Variants in NEK11 observed in about 807,000 individuals in gnomAD.
NEK11 encodes serine/threonine-protein kinase Nek11.
A neutral mutation model predicts 80.7 loss-of-function variants in NEK11; 72 were observed. The observed-to-expected ratio is 0.89, with a 90% CI of 0.74 to 1.08. The LOEUF (loss-of-function observed/expected upper bound fraction) is 1.08. Ranked by LOEUF, NEK11 falls within the 50% of genes least tolerant of loss-of-function variation. NEK11 has a pLI of 0.00. For synonymous variants in NEK11, 251 were observed against 260.7 expected (o/e 0.96, Z 0.36); for missense variants, 764 against 763.6 (o/e 1.00, Z -0.01).
intron 5 of NEK11, among the ~76,000 whole-genome samples, chr3:131,119,412 A>G (rs1008099671): frequency 6.6e-6 from 1 of 152,140 alleles, no homozygotes; most frequent in Non-Finnish European, 1.5e-5. Flanking sequence ...TTTTGGAATA[A>G]GTGCAATGTG....
intron 16 of NEK11, among the ~76,000 whole-genome samples, chr3:131,252,342 C>A (rs1432607050): frequency 6.6e-6 from 1 of 152,108 alleles, no homozygotes; most frequent in African/African-American, 2.4e-5. Flanking sequence ...TCAAGAGCTT[C>A]TTCTATCTCT....
At chr3:131,183,440 CT>C (rs2093457605) in intron 14 of NEK11, among the ~76,000 whole-genome samples, 2 of 152,194 alleles carry the variant, frequency 1.3e-5, no homozygotes, top group South Asian at 2.1e-4. Context: ...CTCCCTCCCC[CT>C]GGCCCCATGA....
intron 17 of NEK11, among the ~76,000 whole-genome samples, chr3:131,313,387 A>C (rs2096801232): frequency 6.6e-6 from 1 of 152,134 alleles, no homozygotes; most frequent in Non-Finnish European, 1.5e-5. Context: ...CTTTTTGAGG[A>C]ATCTCCACAC....
At chr3:131,067,753 A>T (rs2072309658) in intron 3 of NEK11, among the ~76,000 whole-genome samples, 1 of 152,214 alleles carries the variant, frequency 6.6e-6, no homozygotes, top group Non-Finnish European at 1.5e-5. Flanking sequence ...CATTAAGGTA[A>T]TAAATTATGT....
chr3:131,056,119 A>G (rs967913625), intron 3 of NEK11, among the ~76,000 whole-genome samples: 3 of 152,066 alleles, frequency 2.0e-5, no homozygotes, highest in African/African-American at 7.2e-5. Flanking sequence ...GAAGGGCTTC[A>G]TTTTACTGCC....
At chr3:131,203,004 T>C (rs2094300652) in intron 14 of NEK11, among the ~76,000 whole-genome samples, 2 of 54,476 alleles carry the variant, frequency 3.7e-5, no homozygotes, top group Non-Finnish European at 1.6e-4. Context: ...GTTCAACCAT[T>C]GTGGAAGGCA....
At chr3:131,032,071 C>T (rs1338460021) in intron 3 of NEK11, among the ~76,000 whole-genome samples, 1 of 151,796 alleles carries the variant, frequency 6.6e-6, no homozygotes, top group Non-Finnish European at 1.5e-5. Context: ...AAGTGATTCT[C>T]CCACCTCAGC....
chr3:131,238,474 C>T (rs1425508429), intron 15 of NEK11, among the ~76,000 whole-genome samples: 2 of 152,072 alleles, frequency 1.3e-5, no homozygotes, highest in Admixed American at 1.3e-4. Flanking sequence ...GTACAGGTAG[C>T]CAATTAGCCA....
intron 7 of NEK11, among the ~76,000 whole-genome samples, chr3:131,148,531 G>A (rs1384231952): frequency 6.6e-6 from 1 of 151,794 alleles, no homozygotes; most frequent in African/African-American, 2.4e-5. Context: ...TATCTATATT[G>A]AGAAGATAAA....
intron 4 of NEK11, among the ~76,000 whole-genome samples, chr3:131,102,705 T>C (rs1485123995): frequency 3.9e-5 from 6 of 152,158 alleles, no homozygotes; most frequent in Admixed American, 3.3e-4. Context: ...TTTATTCGTT[T>C]TGCATGTCAT....
intron 14 of NEK11, among the ~76,000 whole-genome samples, chr3:131,196,841 CTTTT>C (rs1037385954): frequency 2.1e-5 from 3 of 145,780 alleles, no homozygotes; most frequent in African/African-American, 7.6e-5. Context: ...CTTTTCTTTT[CTTTT>C]CTTTTTTTTT....
At chr3:131,118,977 CT>C (rs1359442825) in intron 5 of NEK11, among the ~76,000 whole-genome samples, 1 of 152,018 alleles carries the variant, frequency 6.6e-6, no homozygotes, top group Admixed American at 6.6e-5. Flanking sequence ...TTCTTCAGTT[CT>C]GCTCTGATCT....
At position 131,273,485 on chromosome 3, in the gene NEK11, G is replaced by T. The variant is rs753533099; in HGVS notation, c.1629G>T (p.Lys543Asn). 3.7e-6 allele frequency: 6 copies of T among 1,613,698 alleles called. No individual in the cohort carries two copies. The highest frequency in any genetic ancestry group is 5.1e-6 in the Non-Finnish European group (6 of 1,179,654). ...NVLGCTSLDT[K>N]TITTMAEDMS... ...CTGTGCATTGATTTTCAGACACAAA[G>T]ACCATCACCACCATGGCTGAAGACA... Residue 543 changes from lysine (K) to asparagine (N), a missense_variant, in exon 17 of 18, where the codon AAG becomes AAT. Physicochemically the swap from Lys to Asn is moderately conservative, Grantham distance 94 (BLOSUM62 0). Coordinates refer to ENST00000383366, the MANE Select transcript of NEK11 (RefSeq NM_024800.5).
rs541718975 is a variant in NEK11, at chr3:131,145,862, G to A, written c.648-6526G>A. 1.4e-4 allele frequency among the ~76,000 whole-genome samples: 22 copies of A among 152,180 alleles called. No homozygotes were observed. The East Asian group carries it at 2.1e-3, about 15-fold the overall frequency. ...GTTCCTACCTCATTAGGATTGTTGTGAGTGTAAGTTAATGAGTTAAAATAT... is the reference window on the plus strand; with the variant it reads ...GTTCCTACCTCATTAGGATTGTTGTAAGTGTAAGTTAATGAGTTAAAATAT... On this transcript the variant is annotated intron_variant, in intron 7 of 17. Coordinates refer to ENST00000383366, the MANE Select transcript of NEK11 (RefSeq NM_024800.5).
At chr3:131,170,935 A>T (rs1346858480) in intron 14 of NEK11, 48 bp downstream of exon 14, 2 of 1,424,800 alleles carry the variant, frequency 1.4e-6, no homozygotes, top group African/African-American at 2.8e-5. Flanking sequence ...GCTGCTGCAC[A>T]GGTTGCTGTG....
chr3:131,291,360 T>G (rs529133554), intron 17 of NEK11, among the ~76,000 whole-genome samples: 1 of 152,332 alleles, frequency 6.6e-6, no homozygotes, highest in African/African-American at 2.4e-5. Flanking sequence ...TTCCAAGTTT[T>G]GACAACTATA....
intron 17 of NEK11, chr3:131,330,477 A>AGGACAGAAGAAGT (rs2097058085): frequency 6.6e-6 from 1 of 152,228 alleles, no homozygotes; most frequent in South Asian, 2.1e-4. Context: ...ATGTGGATAG[A>AGGACAGAAGAAGT]GGACAGAAGA....
At chr3:131,084,337 A>G (rs562559011) in intron 4 of NEK11, among the ~76,000 whole-genome samples, 2 of 152,322 alleles carry the variant, frequency 1.3e-5, no homozygotes, top group South Asian at 4.1e-4. Context: ...TGTATTCTTT[A>G]CCTCTTGGTT....
intron 14 of NEK11, among the ~76,000 whole-genome samples, chr3:131,222,443 T>C (rs142161120): frequency 2.0e-5 from 3 of 152,310 alleles, no homozygotes; most frequent in Admixed American, 2.0e-4. Flanking sequence ...GATTATAACT[T>C]TGGGCTGCTC....
Sources: allele counts gnomAD v4.1 joint callset (sites outside exome capture counted in the v4.1 genomes callset), GRCh38; gene constraint gnomAD v4.1.1; transcripts MANE v1.5; gene names NCBI Gene and HGNC (gene_info 2026-07-23, HGNC 2026-07-21).